Variants in TXLNB observed in about 807,000 individuals in gnomAD.
TXLNB encodes the protein beta-taxilin.
In TXLNB, 37 loss-of-function variants were observed where a neutral mutation model predicts 57.4. The ratio of observed to expected loss-of-function variants is 0.64; its 90% confidence interval spans 0.50 to 0.85. The LOEUF is 0.85. TXLNB is among the 40% of genes least tolerant of loss of function. The pLI, the probability that TXLNB is intolerant of heterozygous loss-of-function variation, is 0.00. For synonymous variants in TXLNB, 302 were observed against 309.6 expected, an observed-to-expected ratio of 0.98 and a Z score of 0.26; for missense variants, 848 against 825.6, an observed-to-expected ratio of 1.03 and a Z score of -0.33.
the TXLNB span, among the ~76,000 whole-genome samples, chr6:139,317,919 A>G: frequency 6.6e-6 from 1 of 152,140 alleles, no homozygotes; most frequent in Non-Finnish European, 1.5e-5. Flanking sequence ...TAAAAAATTT[A>G]AAAAACAGAA....
chr6:139,274,333 C>T (rs1776840361), intron 3 of TXLNB, among the ~76,000 whole-genome samples: 2 of 152,172 alleles, frequency 1.3e-5, no homozygotes, highest in Middle Eastern at 6.3e-3. Flanking sequence ...ATATTTCAGT[C>T]ATTTTCTATA....
intron 4 of TXLNB, among the ~76,000 whole-genome samples, chr6:139,263,420 T>A (rs1776536505): frequency 6.6e-6 from 1 of 152,240 alleles, no homozygotes; most frequent in African/African-American, 2.4e-5. Context: ...GAACAATCAT[T>A]AAATGTGTCA....
At chr6:139,200,057 T>A in the TXLNB span, 1 of 152,138 alleles carries the variant, frequency 6.6e-6, no homozygotes, top group Non-Finnish European at 1.5e-5. Flanking sequence ...CACAGCCAGG[T>A]GATCAAGGCG....
chr6:139,159,438 C>T, the TXLNB span, among the ~76,000 whole-genome samples: 1 of 152,140 alleles, frequency 6.6e-6, no homozygotes, highest in Admixed American at 6.5e-5. Context: ...GGGACTTACA[C>T]ATAAATGTCT....
chr6:139,188,750 T>TTTTC, the TXLNB span, among the ~76,000 whole-genome samples: 3 of 150,054 alleles, frequency 2.0e-5, no homozygotes, highest in Admixed American at 2.0e-4. Flanking sequence ...CCAGATTTCT[T>TTTTC]TTTCTTTCTT....
the TXLNB span, among the ~76,000 whole-genome samples, chr6:139,185,458 T>C: frequency 6.6e-6 from 1 of 152,134 alleles, no homozygotes; most frequent in Admixed American, 6.5e-5. Flanking sequence ...TCCCAGCGCT[T>C]TGGGAGGCCG....
At chr6:139,197,366 T>TTTTGTTTATTTG in the TXLNB span, among the ~76,000 whole-genome samples, 1 of 151,642 alleles carries the variant, frequency 6.6e-6, no homozygotes, top group Admixed American at 6.6e-5. Flanking sequence ...CAGACAGTGA[T>TTTTGTTTATTTG]TTTATTTGTT....
chr6:139,294,325 C>G (rs928975507), upstream of TXLNB, among the ~76,000 whole-genome samples: 5 of 152,066 alleles, frequency 3.3e-5, no homozygotes, highest in African/African-American at 4.8e-5. Context: ...TTGATTCATT[C>G]AAATTATTAC....
the TXLNB span, chr6:139,166,539 G>C: frequency 6.2e-7 from 1 of 1,614,252 alleles, no homozygotes; most frequent in Non-Finnish European, 8.5e-7. Flanking sequence ...TTCCGCTTCT[G>C]CTCTTGCCGC....
At chr6:139,284,538 GTAAA>G (rs1224365712) in intron 2 of TXLNB, among the ~76,000 whole-genome samples, 1 of 145,206 alleles carries the variant, frequency 6.9e-6, no homozygotes, top group Non-Finnish European at 1.5e-5. Flanking sequence ...AAGAAAAAAA[GTAAA>G]TAAATAAAAA....
At chr6:139,174,184 A>G in the TXLNB span, among the ~76,000 whole-genome samples, 1 of 152,238 alleles carries the variant, frequency 6.6e-6, no homozygotes, top group Non-Finnish European at 1.5e-5. Flanking sequence ...AACTTAAAAT[A>G]CATGCTTTAT....
At chr6:139,244,530 G>A (rs1582988894) in intron 9 of TXLNB, 65 bp downstream of exon 9, 1 of 1,094,760 alleles carries the variant, frequency 9.1e-7, no homozygotes, top group Non-Finnish European at 1.4e-6. Flanking sequence ...GGTTATAATT[G>A]TATCGTAAGT....
At chr6:139,263,668 T>A (rs1430985355) in intron 4 of TXLNB, among the ~76,000 whole-genome samples, 2 of 125,476 alleles carry the variant, frequency 1.6e-5, no homozygotes, top group African/African-American at 8.6e-5. Context: ...ATATTGAGAA[T>A]TGCTTTGCGA....
the TXLNB span, chr6:139,176,976 G>T: frequency 1.1e-6 from 1 of 872,746 alleles, no homozygotes; most frequent in Non-Finnish European, 2.0e-6. This position sits in a 1 kb window ranked among gnomAD's most constrained non-coding sequence, Gnocchi z 4.5. Flanking sequence ...GGAAGCCGGT[G>T]ATCGACGTGA....
At chr6:139,313,758 A>G in the TXLNB span, among the ~76,000 whole-genome samples, 1 of 152,084 alleles carries the variant, frequency 6.6e-6, no homozygotes, top group African/African-American at 2.4e-5. Flanking sequence ...TTTTTTTCAC[A>G]AAATAGGATC....
At chr6:139,223,790 G>A in the TXLNB span, among the ~76,000 whole-genome samples, 1 of 152,086 alleles carries the variant, frequency 6.6e-6, no homozygotes, top group Admixed American at 6.5e-5. Flanking sequence ...AAAAAATCAG[G>A]AAACAACAGG....
chr6:139,256,264 C>G (rs1776337080), intron 6 of TXLNB, among the ~76,000 whole-genome samples: 1 of 152,188 alleles, frequency 6.6e-6, no homozygotes, highest in South Asian at 2.1e-4. Flanking sequence ...ATCATTCAGC[C>G]TCTGCTGGAA....
the TXLNB span, chr6:139,201,712 G>A: frequency 1.3e-5 from 2 of 152,214 alleles, no homozygotes; most frequent in East Asian, 3.8e-4. Flanking sequence ...TCTCAGCCCT[G>A]ATTCCCCGAC....
chr6:139,172,020 G>A, the TXLNB span, among the ~76,000 whole-genome samples: 1 of 152,028 alleles, frequency 6.6e-6, no homozygotes, highest in Non-Finnish European at 1.5e-5. Context: ...TAGTAGAGAT[G>A]GGGTTTCACC....
Sources: gnomAD v4.1 joint callset for allele counts (sites outside exome capture counted in the v4.1 genomes callset) on GRCh38, gnomAD v4.1.1 for gene constraint, Gnocchi (gnomAD v3.1) non-coding constraint, MANE v1.5 for transcripts, NCBI Gene and HGNC (gene_info 2026-07-23, HGNC 2026-07-21) for gene names.